TLN2: variants seen among roughly 807,000 people sequenced by gnomAD.
TLN2 encodes talin 2.
A neutral mutation model predicts 294.7 loss-of-function variants in TLN2; 118 were observed. That is an observed-to-expected ratio of 0.40 (90% CI 0.34 to 0.47). TLN2 has a LOEUF of 0.47. Among genes scored for constraint, TLN2 ranks in the 20% least tolerant of loss-of-function variants. The probability of loss-of-function intolerance (pLI) is 0.84; values close to 1 mark genes in which losing one functional copy is unlikely to be tolerated. For missense variants in TLN2, 3,083 were observed against 3,282.2 expected, an observed-to-expected ratio of 0.94 and a Z score of 1.48; for synonymous variants, 1,431 against 1,304.5, an observed-to-expected ratio of 1.10 and a Z score of -2.09.
Position 62,792,801 on chromosome 15 carries a change from C to G in TLN2, c.5883+14C>G. The G allele has an allele frequency of 6.2e-7, 1 of 1,613,614 alleles. No homozygotes were observed. Among genetic ancestry groups the G allele is most frequent in the Non-Finnish European group, 8.5e-7 (1 of 1,179,918 alleles). ...GTCACGGAAAAGGTAAGGAGCAGCC[C>G]TCAGTTTAGAGTCACAAGAACCTGC... On this transcript the variant is annotated intron_variant, in intron 46 of 58. Transcript: ENST00000636159.
rs1393824437 is a variant in TLN2 at position 62,656,234 on chromosome 15, G to A, written c.660+148G>A. The A allele has an allele frequency of 6.9e-6, 7 of 1,010,012 alleles. No homozygotes were observed. In the East Asian group the frequency reaches 1.8e-4, roughly 26 times the overall value. The allele number at this position is 1,010,012 out of a possible 1,614,324, so 62.6% of individuals were successfully genotyped here. On this transcript the variant is annotated intron_variant, in intron 8 of 58. Coordinates refer to ENST00000636159, the MANE Select transcript of TLN2 (RefSeq NM_015059.3). Reference sequence around the variant, plus strand: ...GCGCTGCTCGTGGGTCCCCGCATGTGTTTGGTTGTGGTGCAGGTTGATATT... The same window carrying A: ...GCGCTGCTCGTGGGTCCCCGCATGTATTTGGTTGTGGTGCAGGTTGATATT...
intron 1 of TLN2, among the ~76,000 whole-genome samples, chr15:62,480,513 C>T (rs1194934): frequency 0.19 from 28,906 of 152,224 alleles, 3,167 homozygotes; most frequent in East Asian, 0.53. Flanking sequence ...GCGTGAGCCA[C>T]GGTGCCCGGC....
At chr15:62,779,775 G>A (rs1193951299) in intron 43 of TLN2, among the ~76,000 whole-genome samples, 1 of 152,256 alleles carries the variant, frequency 6.6e-6, no homozygotes, top group Non-Finnish European at 1.5e-5. Flanking sequence ...TGGGGATATA[G>A]CATCTATCTG....
intron 3 of TLN2, among the ~76,000 whole-genome samples, chr15:62,624,295 AT>A (rs1345453177): frequency 6.6e-6 from 1 of 152,032 alleles, no homozygotes; most frequent in Non-Finnish European, 1.5e-5. Flanking sequence ...TTGCAATATT[AT>A]TTTTCTGATG....
At chr15:62,593,242 G>A (rs2046224665) in intron 2 of TLN2, among the ~76,000 whole-genome samples, 1 of 152,096 alleles carries the variant, frequency 6.6e-6, no homozygotes. Flanking sequence ...CTGATTCTTT[G>A]GATTATGCTT....
At chr15:62,449,547 A>G (rs566167898) in intron 1 of TLN2, among the ~76,000 whole-genome samples, 1 of 152,240 alleles carries the variant, frequency 6.6e-6, no homozygotes, top group Admixed American at 6.5e-5. Context: ...CAGGCTGGGT[A>G]TGGTGGCTCA....
intron 1 of TLN2, among the ~76,000 whole-genome samples, chr15:62,507,888 G>A (rs956054548): frequency 6.6e-6 from 1 of 152,186 alleles, no homozygotes; most frequent in Non-Finnish European, 1.5e-5. Context: ...ACCTGAGAAC[G>A]AGATTCATAA....
intron 26 of TLN2, among the ~76,000 whole-genome samples, chr15:62,723,916 A>C (rs1364082167): frequency 6.6e-6 from 1 of 151,192 alleles, no homozygotes; most frequent in African/African-American, 2.4e-5. Context: ...TGGGAGGCCA[A>C]GGTGGGTGGA....
chr15:62,701,471 C>T (rs986368907), intron 17 of TLN2, among the ~76,000 whole-genome samples: 1 of 152,174 alleles, frequency 6.6e-6, no homozygotes, highest in Non-Finnish European at 1.5e-5. Context: ...CACGGCTTGT[C>T]AGTGTGCCGG....
intron 3 of TLN2, among the ~76,000 whole-genome samples, chr15:62,627,343 G>C (rs1234939384): frequency 6.6e-6 from 1 of 152,206 alleles, no homozygotes; most frequent in East Asian, 1.9e-4. Context: ...TGAAGTGATA[G>C]GTGTTCCCTT....
intron 16 of TLN2, among the ~76,000 whole-genome samples, chr15:62,700,885 T>C (rs1326430904): frequency 6.6e-6 from 1 of 152,200 alleles, no homozygotes; most frequent in Non-Finnish European, 1.5e-5. Context: ...AACAACATAA[T>C]TAACATAAGA....
At chr15:62,602,369 T>A (rs1039878297) in intron 2 of TLN2, among the ~76,000 whole-genome samples, 1 of 152,254 alleles carries the variant, frequency 6.6e-6, no homozygotes, top group Non-Finnish European at 1.5e-5. Flanking sequence ...CTCTCTGTGA[T>A]TGCGCCACCA....
At chr15:62,477,027 T>C (rs2037818475) in intron 1 of TLN2, among the ~76,000 whole-genome samples, 1 of 152,214 alleles carries the variant, frequency 6.6e-6, no homozygotes, top group Non-Finnish European at 1.5e-5. Context: ...ATCCATTCAT[T>C]CAACAAATAT....
At chr15:62,519,591 C>T (rs2040355623) in intron 1 of TLN2, among the ~76,000 whole-genome samples, 1 of 152,130 alleles carries the variant, frequency 6.6e-6, no homozygotes, top group Admixed American at 6.5e-5. Context: ...CAGGCTGATA[C>T]AGGGTATGCC....
intron 1 of TLN2, among the ~76,000 whole-genome samples, chr15:62,496,621 A>G (rs957073990): frequency 6.6e-5 from 10 of 152,216 alleles, no homozygotes; most frequent in African/African-American, 2.4e-4. Context: ...CTGCTCCAAT[A>G]TGGCATGTGG....
chr15:62,768,513 CT>C (rs1210209343), intron 41 of TLN2, among the ~76,000 whole-genome samples: 2 of 152,190 alleles, frequency 1.3e-5, no homozygotes, highest in African/African-American at 4.8e-5. Context: ...TGCAAACACC[CT>C]TTTTCCACAT....
intron 44 of TLN2, among the ~76,000 whole-genome samples, chr15:62,783,420 C>T (rs1046113220): frequency 2.6e-5 from 4 of 152,218 alleles, no homozygotes; most frequent in Admixed American, 6.5e-5. Flanking sequence ...CCCAGGGCTG[C>T]GCTGGCGAGG....
intron 1 of TLN2, among the ~76,000 whole-genome samples, chr15:62,500,533 A>G (rs2039251932): frequency 6.6e-6 from 1 of 152,204 alleles, no homozygotes; most frequent in Admixed American, 6.5e-5. Flanking sequence ...TAAGTTCCAG[A>G]TGGGTCAGGC....
chr15:62,761,536 C>A, intron 37 of TLN2, 145 bp from the exon 38 acceptor site: 2 of 1,115,456 alleles, frequency 1.8e-6, no homozygotes, highest in Non-Finnish European at 2.5e-6. Context: ...TCTCTTTCAT[C>A]AGTTCCTATT....
Sources: gnomAD v4.1 joint callset for allele counts (sites outside exome capture counted in the v4.1 genomes callset) on GRCh38, gnomAD v4.1.1 for gene constraint, MANE v1.5 for transcripts, NCBI Gene and HGNC (gene_info 2026-07-23, HGNC 2026-07-21) for gene names.